Variants in GTSE1 observed in about 807,000 individuals in gnomAD.
The protein encoded by GTSE1 is G2 and S-phase expressed 1, also known as G2 and S phase-expressed protein 1.
A neutral mutation model predicts 60.5 loss-of-function variants in GTSE1; 52 were observed. The ratio of observed to expected loss-of-function variants is 0.86; its 90% confidence interval spans 0.69 to 1.08. The LOEUF (loss-of-function observed/expected upper bound fraction) is 1.08. Among genes scored for constraint, GTSE1 ranks in the 50% least tolerant of loss-of-function variants. The pLI is 0.00. For missense variants in GTSE1, 937 were observed against 961.8 expected (o/e 0.97, Z 0.34); for synonymous variants, 368 against 386.5 (o/e 0.95, Z 0.56).
chr22:46,323,425 G>C (rs1198086414), intron 8 of GTSE1, among the ~76,000 whole-genome samples, 163 bp downstream of exon 8: 2 of 152,228 alleles, frequency 1.3e-5, no homozygotes, highest in Non-Finnish European at 2.9e-5. Context: ...GCCCCTTTTA[G>C]ATCTACTGCA....
rs1311299173 is a variant in GTSE1 at position 46,313,187 on chromosome 22, G to C, written c.928-703G>C. Among the ~76,000 whole-genome samples the C allele has an allele frequency of 2.7e-5, 4 of 148,178 alleles. No homozygotes were observed. The highest frequency in any genetic ancestry group is 9.9e-5 in the African/African-American group (4 of 40,488). ...TGTCTAAAAAAAAAAAAAAAAAAAA[G>C]GAAAAGAAAGAAAATTGCGGTTCCT... is the stretch of plus-strand genomic sequence containing the variant. On this transcript the variant is annotated intron_variant, in intron 5 of 11. Coordinates refer to ENST00000454366, the MANE Select transcript of GTSE1 (RefSeq NM_016426.7). This position sits in a 1 kb window ranked among gnomAD's most constrained non-coding sequence, Gnocchi z 4.4.
At position 46,319,352 on chromosome 22, in the gene GTSE1, G is replaced by A. The variant is rs972274260; in HGVS notation, c.1432+2940G>A. On this transcript the variant is annotated intron_variant, in intron 7 of 11. Transcript: ENST00000454366. This position sits in a 1 kb window ranked among gnomAD's most constrained non-coding sequence, Gnocchi z 5.0. ...CGAAGAGTGGTGGGGAGGGTAATGC[G>A]GACCTGGCCCTCACTGTGTTGGGGA... Among the ~76,000 whole-genome samples, 3 of 152,146 alleles carry A rather than the reference G, an allele frequency of 2.0e-5. No individual in the cohort carries two copies. The highest frequency in any genetic ancestry group is 4.4e-5 in the Non-Finnish European group (3 of 68,014).
Position 46,297,453 on chromosome 22 carries a change from T to G in GTSE1, c.53T>G (p.Val18Gly), listed in dbSNP as rs768910887. The change falls in exon 2 of 12, where the codon GTG (valine) becomes GGG (glycine). Residue 18 changes from valine to glycine, a missense_variant. Val to Gly is a moderately radical substitution (Grantham distance 109). Coordinates refer to ENST00000454366, the MANE Select transcript of GTSE1 (RefSeq NM_016426.7). This position sits in a 1 kb window ranked among gnomAD's most constrained non-coding sequence, Gnocchi z 4.9. ...DEPSACRAGD[V>G]NMDDPKKEDI... is the part of the protein sequence containing the mutation. ...CCTTCAGCCTGCCGGGCAGGGGACG[T>G]GAACATGGATGACCCTAAGAAGGAA... is the stretch of plus-strand genomic sequence containing the variant. 49 of 1,613,278 alleles carry G rather than the reference T, an allele frequency of 3.0e-5. No homozygotes were observed. In the Admixed American group the frequency reaches 7.8e-4, roughly 26 times the overall value.
chr22:46,329,062 CA>C lies in GTSE1; in HGVS notation c.1926+174del. The C allele has an allele frequency of 1.6e-6, 1 of 626,420 alleles. No homozygotes were observed. The highest frequency in any genetic ancestry group is 2.8e-6 in the Non-Finnish European group (1 of 355,702). 38.8% of individuals were successfully genotyped at this position (626,420 alleles called of 1,614,324 possible). A position where few individuals can be genotyped will look rare whatever the true frequency, so the allele number is the denominator to read the frequency against. The stretch of plus-strand genomic sequence containing the variant: ...GAGGCAGTCAGGACTTCCAGGCCTC[CA>C]GGGGAGAAAGCCCTGCATTTGACTA... On this transcript the variant is annotated intron_variant, in intron 10 of 11. Transcript: ENST00000454366. The surrounding 1 kb of genome is among the most constrained non-coding windows in gnomAD (Gnocchi z 6.4).
At chr22:46,306,542 G>A (rs533496068) in intron 2 of GTSE1, among the ~76,000 whole-genome samples, 8 of 151,842 alleles carry the variant, frequency 5.3e-5, no homozygotes, top group East Asian at 1.9e-4. Flanking sequence ...GTGCAGTGGC[G>A]CAATCTTGGT....
rs143356498 is a variant in GTSE1, at chr22:46,330,049, C to T, written c.2139C>T (p.Leu713=). The T allele has an allele frequency of 3.7e-6, 6 of 1,601,552 alleles. No individual in the cohort carries two copies. The highest frequency in any genetic ancestry group is 5.1e-6 in the Non-Finnish European group (6 of 1,168,498). ...VAKPSPVVGQ[L]IDLSSPLIQL... ...TCCTCCACTCTGCTCTCTTCCAGCTCATAGACCTGAGCTCCCCTCTGATCC... is the reference window on the plus strand; with the variant it reads ...TCCTCCACTCTGCTCTCTTCCAGCTTATAGACCTGAGCTCCCCTCTGATCC... Residue 713 remains leucine (L), a splice_region_variant and synonymous_variant, in exon 12 of 12, where the codon CTC becomes CTT. Transcript: ENST00000454366. The surrounding 1 kb of genome is among the most constrained non-coding windows in gnomAD (Gnocchi z 6.0).
intron 5 of GTSE1, among the ~76,000 whole-genome samples, chr22:46,312,510 G>A (rs2077754607): frequency 6.6e-6 from 1 of 151,896 alleles, no homozygotes; most frequent in Non-Finnish European, 1.5e-5. Context: ...ATGGTGGTGA[G>A]CAACGGCAGT....
Position 46,297,995 on chromosome 22 carries a change from C to A in GTSE1, c.79+516C>A, listed in dbSNP as rs1407029808. Among the ~76,000 whole-genome samples the A allele has an allele frequency of 6.6e-6, 1 of 151,952 alleles. No individual in the cohort carries two copies. Among genetic ancestry groups the A allele is most frequent in the African/African-American group, 2.4e-5 (1 of 41,244 alleles). Reference sequence around the variant, plus strand: ...TTATTTATTTATTGACGGAGTCTCGCTCTCTCACCCAGGCTGGAGTGCAAA... The same window carrying A: ...TTATTTATTTATTGACGGAGTCTCGATCTCTCACCCAGGCTGGAGTGCAAA... On this transcript the variant is annotated intron_variant, in intron 2 of 11. Coordinates refer to ENST00000454366, the MANE Select transcript of GTSE1 (RefSeq NM_016426.7). This position sits in a 1 kb window ranked among gnomAD's most constrained non-coding sequence, Gnocchi z 4.9.
rs1261353805 is a variant in GTSE1 at position 46,321,603 on chromosome 22, A to G, written c.1433-1587A>G. On this transcript the variant is annotated intron_variant, in intron 7 of 11. Transcript: ENST00000454366. This position sits in a 1 kb window ranked among gnomAD's most constrained non-coding sequence, Gnocchi z 4.0. ...CTTGTAACAAACGGAGTTTCTGAAG[A>G]ATGCGGAGGTAGCAATGTGGGTGCG... Among the ~76,000 whole-genome samples, 1 of 152,170 alleles carries G rather than the reference A, an allele frequency of 6.6e-6. No homozygotes were observed. Among genetic ancestry groups the G allele is most frequent in the Non-Finnish European group, 1.5e-5 (1 of 68,018 alleles).
intron 2 of GTSE1, among the ~76,000 whole-genome samples, chr22:46,301,483 A>AG (rs1472611564): frequency 1.2e-4 from 1 of 8,376 alleles, no homozygotes; most frequent in African/African-American, 1.6e-4. Context: ...GTTTATTTTT[A>AG]ATACTTTTTT....
rs2077858917 is a variant in GTSE1, at chr22:46,328,783, C to T, written c.1820C>T (p.Ala607Val). Residue 607 changes from alanine to valine, a missense_variant, in exon 10 of 12, where the codon GCA (alanine) becomes GTA (valine). By Grantham distance (64) the Ala-to-Val change is moderately conservative. Transcript: ENST00000454366. ...RGSPPSRVPQ[A>V]LNFSPEESDS... ...TCTCCTCCTTCCCGTGTGCCTCAGG[C>T]ACTTAACTTTTCTCCAGAGGAAAGC... 6.2e-7 allele frequency: 1 copy of T among 1,613,224 alleles called. No individual in the cohort carries two copies. Among genetic ancestry groups the T allele is most frequent in the Non-Finnish European group, 8.5e-7 (1 of 1,179,284 alleles).
intron 2 of GTSE1, among the ~76,000 whole-genome samples, chr22:46,298,224 A>G (rs972538305): frequency 2.0e-5 from 3 of 151,452 alleles, no homozygotes; most frequent in Non-Finnish European, 1.5e-5. Context: ...CGGCCTCCCA[A>G]AGTGCTAGGA....
At chr22:46,328,997 C>A in intron 10 of GTSE1, 108 bp downstream of exon 10, 1 of 885,150 alleles carries the variant, frequency 1.1e-6, no homozygotes, top group Non-Finnish European at 1.8e-6. Flanking sequence ...TGCCATGCTT[C>A]ATCCTGGGGC....
rs918192908 is a variant in GTSE1, at chr22:46,324,328, C to T, written c.1505+1066C>T. On this transcript the variant is annotated intron_variant, in intron 8 of 11. Coordinates refer to ENST00000454366, the MANE Select transcript of GTSE1 (RefSeq NM_016426.7). The surrounding 1 kb of genome is among the most constrained non-coding windows in gnomAD (Gnocchi z 5.2). ...CTGTGCCTCAGTTTCCTCACCTCAC[C>T]CAGGGTTACTTTGAGAATTACATTT... is the stretch of plus-strand genomic sequence containing the variant. 1.3e-5 allele frequency among the ~76,000 whole-genome samples: 2 copies of T among 152,116 alleles called. No homozygotes were observed. Among genetic ancestry groups the T allele is most frequent in the Non-Finnish European group, 2.9e-5 (2 of 68,028 alleles).
chr22:46,328,967 C>A, intron 10 of GTSE1, 78 bp downstream of exon 10: 1 of 1,184,242 alleles, frequency 8.4e-7, no homozygotes, highest in Non-Finnish European at 1.2e-6. Flanking sequence ...GAACCCAGGG[C>A]TGTGGCTGGC....
In GTSE1 at chr22:46,328,862, G is replaced by C. The variant is rs1460514966; in HGVS notation, c.1899G>C (p.Lys633Asn). Residue 633 changes from lysine to asparagine, a missense_variant, in exon 10 of 12, where the codon AAG becomes AAC. Transcript: ENST00000454366. ...TATEVAREEA[K>N]PGGDAAPSEA... Reference sequence around the variant, plus strand: ...CAGAAGTAGCTCGGGAGGAAGCCAAGCCGGGTGGAGATGCAGCCCCTAGTG... The same window carrying C: ...CAGAAGTAGCTCGGGAGGAAGCCAACCCGGGTGGAGATGCAGCCCCTAGTG... The C allele has an allele frequency of 6.2e-7, 1 of 1,613,858 alleles. No homozygotes were observed. Among genetic ancestry groups the C allele is most frequent in the East Asian group, 2.2e-5 (1 of 44,880 alleles).
At position 46,313,572 on chromosome 22, in the gene GTSE1, G is replaced by A. The variant is rs1035393277; in HGVS notation, c.928-318G>A. ...CGCCCAGGCTGGAGTGCAATGGCAC[G>A]AGCTCAGCTCACTACAACCTCCACC... On this transcript the variant is annotated intron_variant, in intron 5 of 11. Transcript: ENST00000454366. The surrounding 1 kb of genome is among the most constrained non-coding windows in gnomAD (Gnocchi z 4.4). 1.3e-5 allele frequency among the ~76,000 whole-genome samples: 2 copies of A among 152,168 alleles called. No homozygotes were observed. Among genetic ancestry groups the A allele is most frequent in the African/African-American group, 2.4e-5 (1 of 41,438 alleles).
At position 46,320,078 on chromosome 22, in the gene GTSE1, G is replaced by A. The variant is rs2077803819; in HGVS notation, c.1433-3112G>A. Among the ~76,000 whole-genome samples, 1 of 152,178 alleles carries A rather than the reference G, an allele frequency of 6.6e-6. No homozygotes were observed. Among genetic ancestry groups the A allele is most frequent in the Admixed American group, 6.5e-5 (1 of 15,278 alleles). The stretch of plus-strand genomic sequence containing the variant: ...CCTACGGCCCAGGTCATGTGGAGGT[G>A]TGTTCAGTAGTGTTTGCTTCCCTTC... On this transcript the variant is annotated intron_variant, in intron 7 of 11. Transcript: ENST00000454366. This position sits in a 1 kb window ranked among gnomAD's most constrained non-coding sequence, Gnocchi z 7.1.
At chr22:46,326,340 C>A in intron 8 of GTSE1, 96 bp from the exon 9 acceptor site, 1 of 1,036,096 alleles carries the variant, frequency 9.7e-7, no homozygotes, top group Non-Finnish European at 1.4e-6. Context: ...TGGGCTGAAA[C>A]CAAAGCCCTC....
Sources: gnomAD v4.1 joint callset for allele counts (sites outside exome capture counted in the v4.1 genomes callset) on GRCh38, gnomAD v4.1.1 for gene constraint, Gnocchi (gnomAD v3.1) non-coding constraint, MANE v1.5 for transcripts, NCBI Gene and HGNC (gene_info 2026-07-23, HGNC 2026-07-21) for gene names.